Variants in LDLRAP1 observed in about 807,000 individuals in gnomAD.
The protein encoded by LDLRAP1 is low density lipoprotein receptor adaptor protein 1, also known as low density lipoprotein receptor adapter protein 1.
A neutral mutation model predicts 37.8 loss-of-function variants in LDLRAP1; 30 were observed. The observed-to-expected ratio is 0.79, with a 90% CI of 0.59 to 1.08. The LOEUF is 1.08. Ranked by LOEUF, LDLRAP1 falls within the 50% of genes least tolerant of loss-of-function variation. The pLI, the probability that LDLRAP1 is intolerant of heterozygous loss-of-function variation, is 0.00. For missense variants in LDLRAP1, 375 were observed against 401.6 expected, an observed-to-expected ratio of 0.93 and a Z score of 0.57; for synonymous variants, 156 against 169.8, an observed-to-expected ratio of 0.92 and a Z score of 0.63.
In LDLRAP1 at chr1:25,555,399, C is replaced by G. The variant is rs1472237033; in HGVS notation, c.344+427C>G. ...GGAGGCCTCAGCCAAGGTCTGAAGT[C>G]AGAGTATAGATGGTCTCTCTAGTGG... On this transcript the variant is annotated intron_variant, in intron 3 of 8. Transcript: ENST00000374338. This position sits in a 1 kb window ranked among gnomAD's most constrained non-coding sequence, Gnocchi z 4.7. Among the ~76,000 whole-genome samples the G allele has an allele frequency of 6.6e-6, 1 of 152,192 alleles. No individual in the cohort carries two copies. Among genetic ancestry groups the G allele is most frequent in the Non-Finnish European group, 1.5e-5 (1 of 68,046 alleles).
the LDLRAP1 span, among the ~76,000 whole-genome samples, chr1:25,575,035 C>T: frequency 4.9e-4 from 74 of 152,322 alleles, no homozygotes; most frequent in African/African-American, 1.6e-3. Context: ...TCCTCCCCAG[C>T]GGTCTCTAAC....
chr1:25,544,777 A>ACTCCCAC lies in LDLRAP1; in HGVS notation c.88+997_88+1003dup, dbSNP rs2043892542. 6.6e-6 allele frequency among the ~76,000 whole-genome samples: 1 copy of ACTCCCAC among 151,512 alleles called. No homozygotes were observed. Among genetic ancestry groups the ACTCCCAC allele is most frequent in the Non-Finnish European group, 1.5e-5 (1 of 67,872 alleles). ...GAGCCAGAGCCCAGGACTGCTGCAC[A>ACTCCCAC]CTCCCACCTCCCTGCCACCTACTTC... On this transcript the variant is annotated intron_variant, in intron 1 of 8. Transcript: ENST00000374338. The surrounding 1 kb of genome is among the most constrained non-coding windows in gnomAD (Gnocchi z 4.8).
rs1313706259 is a variant in LDLRAP1 at position 25,543,609 on chromosome 1, G to C, written c.-90G>C. 4.1e-5 allele frequency: 38 copies of C among 930,288 alleles called. 1 individual carries two copies. In the East Asian group the frequency reaches 1.4e-3, roughly 35 times the overall value. The allele number at this position is 930,288 out of a possible 1,614,324, so 57.6% of individuals were successfully genotyped here. A position where few individuals can be genotyped will look rare whatever the true frequency, so the allele number is the denominator to read the frequency against. On this transcript the variant is annotated 5_prime_UTR_variant, in exon 1 of 9. Transcript: ENST00000374338. ...CGGAGCTGGCGCTGGGAGGGGAGGA[G>C]CGCGCAGCCCGCGCGCCGCAGGGCC...
intron 4 of LDLRAP1, 162 bp downstream of exon 4, chr1:25,557,429 G>T: frequency 3.2e-6 from 2 of 632,810 alleles, no homozygotes; most frequent in South Asian, 1.9e-5. Context: ...GAGCTAAGGG[G>T]TACAGTGGTG....
intron 1 of LDLRAP1, among the ~76,000 whole-genome samples, chr1:25,553,086 C>T (rs2044113126): frequency 6.6e-6 from 1 of 152,138 alleles, no homozygotes; most frequent in Non-Finnish European, 1.5e-5. Flanking sequence ...TGTCTCCTGC[C>T]CAGCCTCCCA....
chr1:25,578,041 G>A, the LDLRAP1 span, among the ~76,000 whole-genome samples: 1 of 152,132 alleles, frequency 6.6e-6, no homozygotes, highest in East Asian at 1.9e-4. Context: ...GTGTGGGTGA[G>A]CCCCCCACCT....
chr1:25,589,860 T>C, the LDLRAP1 span, among the ~76,000 whole-genome samples: 38 of 152,350 alleles, frequency 2.5e-4, no homozygotes, highest in African/African-American at 8.9e-4. Flanking sequence ...CCCGGCACTT[T>C]GGGAGGCCGA....
intron 7 of LDLRAP1, chr1:25,564,682 T>A: frequency 5.9e-6 from 1 of 170,760 alleles, no homozygotes; most frequent in Non-Finnish European, 1.3e-5. Context: ...GTCGCTTTTC[T>A]GCTGAGGCTG....
chr1:25,557,086 G>A (rs764492519), intron 3 of LDLRAP1, 67 bp from the exon 4 acceptor site: 1 of 1,196,880 alleles, frequency 8.4e-7, no homozygotes, highest in Non-Finnish European at 1.2e-6. Context: ...GAGCTGCCCT[G>A]CAGGGCTTCC....
chr1:25,564,048 G>A (rs995165642), intron 7 of LDLRAP1: 21 of 525,224 alleles, frequency 4.0e-5, no homozygotes, highest in Non-Finnish European at 6.2e-5. Context: ...GAGCGTCCAC[G>A]GCTCTGCCCA....
the LDLRAP1 span, among the ~76,000 whole-genome samples, chr1:25,580,432 A>G: frequency 6.6e-6 from 1 of 152,198 alleles, no homozygotes; most frequent in East Asian, 1.9e-4. Context: ...AAAACAAAAC[A>G]AAACCAAAAG....
At chr1:25,589,868 C>T in the LDLRAP1 span, among the ~76,000 whole-genome samples, 4 of 152,306 alleles carry the variant, frequency 2.6e-5, no homozygotes, top group East Asian at 5.8e-4. Context: ...TTTGGGAGGC[C>T]GAGGCGAGCG....
intron 1 of LDLRAP1, among the ~76,000 whole-genome samples, chr1:25,549,747 GGGCGGGT>G (rs146654671): frequency 0.15 from 22,060 of 152,068 alleles, 3,392 homozygotes; most frequent in African/African-American, 0.39. Context: ...CTGGCGAGTA[GGGCGGGT>G]GGCGGGTGTG....
chr1:25,550,240 C>G (rs1444105235), intron 1 of LDLRAP1, among the ~76,000 whole-genome samples: 7 of 152,134 alleles, frequency 4.6e-5, no homozygotes, highest in Admixed American at 4.6e-4. Flanking sequence ...ACAACAGCCC[C>G]CAGGAGTCAG....
At chr1:25,580,133 CTTCTGTCTG>C in the LDLRAP1 span, among the ~76,000 whole-genome samples, 2 of 152,224 alleles carry the variant, frequency 1.3e-5, no homozygotes, top group African/African-American at 2.4e-5. Flanking sequence ...AAGATGTCTG[CTTCTGTCTG>C]TTCTGTCTGT....
At chr1:25,587,624 G>T in the LDLRAP1 span, among the ~76,000 whole-genome samples, 2 of 152,246 alleles carry the variant, frequency 1.3e-5, no homozygotes, top group African/African-American at 4.8e-5. Context: ...GAACCAGAAG[G>T]AAAGTTAGTG....
intron 7 of LDLRAP1, chr1:25,564,025 G>C (rs906656236): frequency 3.4e-6 from 2 of 584,168 alleles, no homozygotes; most frequent in Non-Finnish European, 6.1e-6. Context: ...CACAATGCTT[G>C]GCCTCTTGGC....
At chr1:25,585,394 C>G in the LDLRAP1 span, among the ~76,000 whole-genome samples, 1 of 151,540 alleles carries the variant, frequency 6.6e-6, no homozygotes, top group Non-Finnish European at 1.5e-5. Flanking sequence ...GGCACGACCT[C>G]GGCTCACTGC....
At chr1:25,580,421 AAAAAC>A in the LDLRAP1 span, among the ~76,000 whole-genome samples, 2 of 152,232 alleles carry the variant, frequency 1.3e-5, no homozygotes, top group Admixed American at 6.5e-5. Context: ...TGAGTGAGAA[AAAAAC>A]AAAACAAAAC....
Sources: allele counts gnomAD v4.1 joint callset (sites outside exome capture counted in the v4.1 genomes callset), GRCh38; gene constraint gnomAD v4.1.1; non-coding constraint Gnocchi (gnomAD v3.1); transcripts MANE v1.5; gene names NCBI Gene and HGNC (gene_info 2026-07-23, HGNC 2026-07-21).